USP33: variants seen among roughly 807,000 people sequenced by gnomAD.
USP33 encodes the protein ubiquitin carboxyl-terminal hydrolase 33.
USP33 carries 46 observed loss-of-function variants against 124.2 expected under a neutral mutation model. That is an observed-to-expected ratio of 0.37 (90% CI 0.29 to 0.47). USP33 has a LOEUF of 0.47. Ranked by LOEUF, USP33 falls within the 20% of genes least tolerant of loss-of-function variation. The probability of loss-of-function intolerance (pLI) is 0.99; values close to 1 mark genes in which losing one functional copy is unlikely to be tolerated. For synonymous variants in USP33, 350 were observed against 352.3 expected, an observed-to-expected ratio of 0.99 and a Z score of 0.07; for missense variants, 851 against 1,070.6, an observed-to-expected ratio of 0.79 and a Z score of 2.86.
intron 1 of USP33, among the ~76,000 whole-genome samples, chr1:77,755,560 TG>T (rs758939725): frequency 4.5e-4 from 69 of 152,304 alleles, no homozygotes; most frequent in Admixed American, 2.2e-3. Context: ...TAGCTGGGTA[TG>T]GTGGCGTGCG....
chr1:77,741,614 T>C lies in USP33; in HGVS notation c.81+3A>G. On this transcript the variant is annotated splice_donor_region_variant and intron_variant, in intron 2 of 23. Transcript: ENST00000370794. ...TTCAAGGAAGAAAAAACCTGTTTCT[T>C]ACAAGGGATTTTTGTATCAAATCTT... 3 of 1,581,276 alleles carry C rather than the reference T, an allele frequency of 1.9e-6. No individual in the cohort carries two copies. Among genetic ancestry groups the C allele is most frequent in the Middle Eastern group, 1.7e-4 (1 of 5,920 alleles).
At position 77,712,791 on chromosome 1, in the gene USP33, G is replaced by A. The variant is rs535898869; in HGVS notation, c.2297+409C>T. On this transcript the variant is annotated intron_variant, in intron 20 of 23. Coordinates refer to ENST00000370794, the MANE Select transcript of USP33 (RefSeq NM_201624.3). ...GAGGACCACTGGAGCCTAGGAGGTC[G>A]ACGCTGCAGTAAGCCAAGATCGTGC... Among the ~76,000 whole-genome samples, 48 of 152,178 alleles carry A rather than the reference G, an allele frequency of 3.2e-4. No homozygotes were observed. In the South Asian group the frequency reaches 5.8e-3, roughly 18 times the overall value.
intron 17 of USP33, among the ~76,000 whole-genome samples, chr1:77,716,576 G>C (rs375835036): frequency 6.6e-6 from 1 of 152,182 alleles, no homozygotes; most frequent in South Asian, 2.1e-4. Context: ...CCACTAGAGG[G>C]TAATTGATAT....
At position 77,715,703 on chromosome 1, in the gene USP33, TGA is replaced by T. The variant is rs760063467; in HGVS notation, c.2045+37_2045+38del. The T allele has an allele frequency of 8.8e-5, 140 of 1,598,246 alleles. No individual in the cohort carries two copies. The African/African-American group carries it at 1.6e-3, about 18-fold the overall frequency. Reference sequence around the variant, plus strand: ...AGAAGTCACTGATAAGCCCAAAATGTGAGAGATGTCCTTTCGCATCTACACTT... The same window carrying T: ...AGAAGTCACTGATAAGCCCAAAATGTGAGATGTCCTTTCGCATCTACACTT... On this transcript the variant is annotated intron_variant, in intron 18 of 23. Transcript: ENST00000370794.
chr1:77,725,858 C>T (rs778724657), intron 10 of USP33, 96 bp from the exon 11 acceptor site: 9 of 1,144,908 alleles, frequency 7.9e-6, no homozygotes, highest in South Asian at 1.9e-5. Context: ...ATTTTGAACA[C>T]AATCATATTA....
intron 4 of USP33, 94 bp from the exon 5 acceptor site, chr1:77,739,511 C>T: frequency 8.1e-7 from 1 of 1,237,560 alleles, no homozygotes; most frequent in Non-Finnish European, 1.1e-6. Context: ...AACTGCTTGC[C>T]TTTGATGAGT....
chr1:77,711,700 G>T (rs1224107903), intron 21 of USP33, 47 bp downstream of exon 21: 1 of 1,578,404 alleles, frequency 6.3e-7, no homozygotes, highest in Non-Finnish European at 8.5e-7. Flanking sequence ...TAATTGTCAG[G>T]TCTTCATCTT....
chr1:77,738,641 C>T (rs573109275), intron 5 of USP33, among the ~76,000 whole-genome samples: 17 of 152,136 alleles, frequency 1.1e-4, no homozygotes, highest in African/African-American at 3.6e-4. Flanking sequence ...CCACCACACC[C>T]GGCTAATGTT....
At chr1:77,755,571 G>A (rs527404415) in intron 1 of USP33, among the ~76,000 whole-genome samples, 1 of 151,902 alleles carries the variant, frequency 6.6e-6, no homozygotes, top group Non-Finnish European at 1.5e-5. Flanking sequence ...GGTGGCGTGC[G>A]CCTGTAATCT....
At chr1:77,697,567 G>A in intron 23 of USP33, 93 bp from the exon 24 acceptor site, 1 of 1,400,972 alleles carries the variant, frequency 7.1e-7, no homozygotes, top group Non-Finnish European at 9.6e-7. Flanking sequence ...AATCTTCTCG[G>A]GATAATTGAG....
At chr1:77,741,505 AT>A in intron 2 of USP33, 76 bp from the exon 3 acceptor site, 4 of 1,538,536 alleles carry the variant, frequency 2.6e-6, no homozygotes, top group Non-Finnish European at 3.5e-6. Context: ...CACTAATGAC[AT>A]CATACATATT....
chr1:77,739,203 A>C, intron 5 of USP33, 62 bp downstream of exon 5: 3 of 1,542,718 alleles, frequency 1.9e-6, no homozygotes, highest in Non-Finnish European at 2.6e-6. Flanking sequence ...CAGCTACATG[A>C]CAAATTCTGA....
chr1:77,746,259 C>T (rs146853137), intron 1 of USP33: 10,682 of 152,100 alleles, frequency 0.07, 428 homozygotes, highest in East Asian at 0.11. Context: ...AACACCTCTA[C>T]GCAAATAAAC....
At chr1:77,733,891 C>A (rs1321227813) in intron 7 of USP33, among the ~76,000 whole-genome samples, 2 of 152,048 alleles carry the variant, frequency 1.3e-5, no homozygotes, top group African/African-American at 4.8e-5. Context: ...GGTCCAGACT[C>A]AATGCATCTA....
At chr1:77,751,510 A>G (rs1056874985) in intron 1 of USP33, among the ~76,000 whole-genome samples, 1 of 151,848 alleles carries the variant, frequency 6.6e-6, no homozygotes, top group Non-Finnish European at 1.5e-5. Context: ...TACAAAAATT[A>G]CCCAGGCCTG....
rs759726217 is a variant in USP33, at chr1:77,728,445, A to T, written c.985T>A (p.Ser329Thr). 1.2e-6 allele frequency: 2 copies of T among 1,614,028 alleles called. No homozygotes were observed. The highest frequency in any genetic ancestry group is 2.2e-5 in the South Asian group (2 of 91,082). Residue 329 changes from serine to threonine, a missense_variant, in exon 10 of 24, where the codon TCA (serine) becomes ACA (threonine). Coordinates refer to ENST00000370794, the MANE Select transcript of USP33 (RefSeq NM_201624.3). ...ATCTTCTCTTTTTGCCAATCCTTTG[A>T]CATTTCTGAATTGTTTTCATCATCC... ...IQDDENNSEM[S>T]KDWQKEKMCN...
At chr1:77,733,613 T>A (rs893349102) in intron 7 of USP33, among the ~76,000 whole-genome samples, 1 of 152,112 alleles carries the variant, frequency 6.6e-6, no homozygotes, top group Non-Finnish European at 1.5e-5. Flanking sequence ...TGCTCCAAAA[T>A]CCAAAACTTT....
intron 21 of USP33, among the ~76,000 whole-genome samples, chr1:77,704,129 A>T (rs1234254501): frequency 1.3e-5 from 2 of 152,012 alleles, no homozygotes; most frequent in African/African-American, 4.8e-5. Context: ...AAAAAAAAAA[A>T]GTATATATGT....
intron 10 of USP33, 66 bp downstream of exon 10, chr1:77,728,229 T>G: frequency 6.9e-7 from 1 of 1,447,674 alleles, no homozygotes; most frequent in Non-Finnish European, 9.3e-7. Context: ...AAGTAACAAT[T>G]ATTTAAACAC....
Sources: gnomAD v4.1 joint callset for allele counts (sites outside exome capture counted in the v4.1 genomes callset) on GRCh38, gnomAD v4.1.1 for gene constraint, MANE v1.5 for transcripts, NCBI Gene and HGNC (gene_info 2026-07-23, HGNC 2026-07-21) for gene names.